The following RAD54L2 variants were observed in gnomAD, a reference collection of about 807,000 sequenced individuals.
The protein encoded by RAD54L2 is RAD54 like 2, also known as helicase ARIP4.
In RAD54L2, 27 loss-of-function variants were observed where a neutral mutation model predicts 138.4. The observed-to-expected ratio is 0.20, with a 90% CI of 0.14 to 0.27. The LOEUF (loss-of-function observed/expected upper bound fraction) is 0.27. Ranked by LOEUF, RAD54L2 falls within the 10% of genes least tolerant of loss-of-function variation. The pLI is 1.00. For synonymous variants in RAD54L2, 644 were observed against 723.2 expected, an observed-to-expected ratio of 0.89 and a Z score of 1.76; for missense variants, 1,396 against 1,890.2, an observed-to-expected ratio of 0.74 and a Z score of 4.85.
chr3:51,635,435 C>G (rs1700961384), intron 9 of RAD54L2, among the ~76,000 whole-genome samples, 158 bp from the exon 10 acceptor site: 1 of 152,116 alleles, frequency 6.6e-6, no homozygotes, highest in East Asian at 1.9e-4. Flanking sequence ...GTAGGCTACC[C>G]CTGTGCTTGC....
chr3:51,549,777 C>CAA (rs5848927), intron 2 of RAD54L2, among the ~76,000 whole-genome samples: 79 of 63,046 alleles, frequency 1.3e-3, no homozygotes, highest in South Asian at 7.1e-3. Flanking sequence ...GTCTCCATCT[C>CAA]AAAAAAAAAA....
At chr3:51,606,995 A>T (rs1180529714) in intron 3 of RAD54L2, among the ~76,000 whole-genome samples, 3 of 147,914 alleles carry the variant, frequency 2.0e-5, no homozygotes, top group Admixed American at 6.7e-5. Context: ...TGTTTTATTT[A>T]TTATTATTAT....
At chr3:51,544,074 T>C (rs1168870024) in intron 2 of RAD54L2, among the ~76,000 whole-genome samples, 3 of 152,236 alleles carry the variant, frequency 2.0e-5, no homozygotes, top group Non-Finnish European at 4.4e-5. Context: ...TTGGTGTTTT[T>C]TTTGTGTTTC....
intron 12 of RAD54L2, chr3:51,639,195 C>G (rs558233378): frequency 1.8e-6 from 1 of 561,150 alleles, no homozygotes; most frequent in Admixed American, 3.2e-5. Flanking sequence ...ACTGGCATGG[C>G]TCCTGGTATG....
In RAD54L2 at chr3:51,638,360, A is replaced by G. The variant is rs1701042103; in HGVS notation, c.1860+39A>G. On this transcript the variant is annotated intron_variant, in intron 12 of 22. Coordinates refer to ENST00000684192, the MANE Select transcript of RAD54L2 (RefSeq NM_015106.4). The surrounding 1 kb of genome is among the most constrained non-coding windows in gnomAD (Gnocchi z 4.3). ...TCAGGGAAGATTGAGATGGGGACTA[A>G]GGATACACATGGTCCCAAGGGAGTT... is the stretch of plus-strand genomic sequence containing the variant. 3.1e-6 allele frequency: 5 copies of G among 1,606,652 alleles called. No individual in the cohort carries two copies. Among genetic ancestry groups the G allele is most frequent in the Non-Finnish European group, 4.3e-6 (5 of 1,174,790 alleles).
Position 51,637,999 on chromosome 3 carries a change from C to T in RAD54L2, c.1683-145C>T. 1 of 728,208 alleles carries T rather than the reference C, an allele frequency of 1.4e-6. No homozygotes were observed. The allele number at this position is 728,208 out of a possible 1,614,324, so 45.1% of individuals were successfully genotyped here. A position where few individuals can be genotyped will look rare whatever the true frequency, so the allele number is the denominator to read the frequency against. Reference sequence around the variant, plus strand: ...GTGAGTTTCTTCTTGGTTGTTGAACCACTCTGCATTATTGCAAGGCTGCAG... The same window carrying T: ...GTGAGTTTCTTCTTGGTTGTTGAACTACTCTGCATTATTGCAAGGCTGCAG... On this transcript the variant is annotated intron_variant, in intron 11 of 22. Transcript: ENST00000684192. This position sits in a 1 kb window ranked among gnomAD's most constrained non-coding sequence, Gnocchi z 5.9.
chr3:51,631,669 C>T (rs1218955990), intron 7 of RAD54L2, among the ~76,000 whole-genome samples: 3 of 151,696 alleles, frequency 2.0e-5, no homozygotes, highest in African/African-American at 2.4e-5. Flanking sequence ...TTGAGACAGG[C>T]TCTTGCTCTG....
At chr3:51,643,839 A>G (rs1160852050) in intron 15 of RAD54L2, 36 bp from the exon 16 acceptor site, 1 of 1,489,994 alleles carries the variant, frequency 6.7e-7, no homozygotes, top group Non-Finnish European at 9.2e-7. Context: ...CCTTGCTCTA[A>G]TATATCCACT....
At chr3:51,641,377 T>C (rs1256069513) in intron 14 of RAD54L2, among the ~76,000 whole-genome samples, 2 of 150,994 alleles carry the variant, frequency 1.3e-5, no homozygotes, top group African/African-American at 4.9e-5. Flanking sequence ...TGGAGTGCAA[T>C]GGCGTGATCC....
rs562381476 is a variant in RAD54L2 at position 51,643,583 on chromosome 3, A to G, written c.2351-292A>G. ...CAGTATTTTCCAAATTCCCTAGGTG[A>G]TTACTATACATTCCGAAGTCTAGGA... On this transcript the variant is annotated intron_variant, in intron 15 of 22. Coordinates refer to ENST00000684192, the MANE Select transcript of RAD54L2 (RefSeq NM_015106.4). Among the ~76,000 whole-genome samples the G allele has an allele frequency of 2.0e-5, 3 of 152,310 alleles. 1 individual carries two copies. The East Asian group carries it at 5.8e-4, about 29-fold the overall frequency.
chr3:51,605,153 G>A (rs918322062), intron 3 of RAD54L2, among the ~76,000 whole-genome samples: 3 of 148,828 alleles, frequency 2.0e-5, no homozygotes, highest in Non-Finnish European at 3.0e-5. Flanking sequence ...GCAGTGGCGC[G>A]ATCTCCGCTC....
At chr3:51,587,999 A>G (rs568379030) in intron 2 of RAD54L2, among the ~76,000 whole-genome samples, 2 of 151,770 alleles carry the variant, frequency 1.3e-5, no homozygotes, top group East Asian at 3.9e-4. Context: ...ATCCTGGCTA[A>G]CACGGTGAGA....
intron 2 of RAD54L2, among the ~76,000 whole-genome samples, chr3:51,563,168 G>T (rs1012171868): frequency 3.3e-5 from 5 of 152,162 alleles, no homozygotes; most frequent in Middle Eastern, 3.4e-3. Flanking sequence ...TGACTCTCTA[G>T]AATTAGACAT....
At chr3:51,547,837 C>T (rs1467680544) in intron 2 of RAD54L2, among the ~76,000 whole-genome samples, 1 of 152,060 alleles carries the variant, frequency 6.6e-6, no homozygotes, top group African/African-American at 2.4e-5. Flanking sequence ...CCGCCTTGGC[C>T]TCACCAAGTG....
chr3:51,629,998 G>C (rs1700799768), intron 5 of RAD54L2, among the ~76,000 whole-genome samples: 1 of 152,168 alleles, frequency 6.6e-6, no homozygotes, highest in South Asian at 2.1e-4. Context: ...TCTTTAAATA[G>C]GTTTTATCTA....
intron 2 of RAD54L2, among the ~76,000 whole-genome samples, chr3:51,556,569 CTT>C (rs983562979): frequency 3.0e-5 from 4 of 131,768 alleles, no homozygotes; most frequent in Non-Finnish European, 5.0e-5. Context: ...CTTTATCTCT[CTT>C]TTATCTATCT....
Position 51,565,417 on chromosome 3 carries a change from A to G in RAD54L2, c.-55+23767A>G, listed in dbSNP as rs145252276. ...TGAGACCTTGTCTTAAAAAATATAT[A>G]TGTGTGTGTGTGTGTTTATATACTT... is the stretch of plus-strand genomic sequence containing the variant. On this transcript the variant is annotated intron_variant, in intron 2 of 22. Transcript: ENST00000684192. Among the ~76,000 whole-genome samples, 33 of 151,906 alleles carry G rather than the reference A, an allele frequency of 2.2e-4. 2 individuals carry two copies. In the East Asian group the frequency reaches 5.8e-3, roughly 27 times the overall value.
intron 2 of RAD54L2, among the ~76,000 whole-genome samples, chr3:51,571,730 G>T (rs1017849508): frequency 1.3e-5 from 2 of 152,070 alleles, no homozygotes; most frequent in South Asian, 4.1e-4. Context: ...GTACATGTAC[G>T]CATGCACACG....
intron 2 of RAD54L2, among the ~76,000 whole-genome samples, chr3:51,565,738 G>A (rs184571078): frequency 9.9e-5 from 15 of 152,010 alleles, no homozygotes; most frequent in African/African-American, 3.4e-4. Context: ...CTGCCAAAGT[G>A]CTGGGATTAC....
Sources: gnomAD v4.1 joint callset for allele counts (sites outside exome capture counted in the v4.1 genomes callset) on GRCh38, gnomAD v4.1.1 for gene constraint, Gnocchi (gnomAD v3.1) non-coding constraint, MANE v1.5 for transcripts, NCBI Gene and HGNC (gene_info 2026-07-23, HGNC 2026-07-21) for gene names.